The following OTOA variants were observed in gnomAD, a reference collection of about 807,000 sequenced individuals.
The protein encoded by OTOA is otoancorin, also known as cancer/testis antigen 108.
In OTOA, 70 loss-of-function variants were observed where a neutral mutation model predicts 110.8. The observed-to-expected ratio is 0.63, with a 90% CI of 0.52 to 0.77. OTOA has a LOEUF of 0.77. Among genes scored for constraint, OTOA ranks in the 30% least tolerant of loss-of-function variants. The pLI is 0.00. For missense variants in OTOA, 917 were observed against 1,075.8 expected (o/e 0.85, Z 2.06); for synonymous variants, 373 against 431.5 (o/e 0.86, Z 1.68).
In OTOA at chr16:21,710,103, G is replaced by A; in HGVS notation, c.1320G>A (p.Lys440=). ...ILSAKYLAHE[K]VLSFYNVSQM... ...CTGCCAAATACTTGGCCCATGAGAAGGTCAGCTGGAGTTTTAAACTCTTTT... is the reference window on the plus strand; with the variant it reads ...CTGCCAAATACTTGGCCCATGAGAAAGTCAGCTGGAGTTTTAAACTCTTTT... The change falls in exon 13 of 29, where the codon AAG becomes AAA. Residue 440 remains lysine (K), a splice_region_variant and synonymous_variant. Coordinates refer to ENST00000646100, the MANE Select transcript of OTOA (RefSeq NM_144672.4). 1 of 1,610,886 alleles carries A rather than the reference G, an allele frequency of 6.2e-7. No homozygotes were observed. Among genetic ancestry groups the A allele is most frequent in the South Asian group, 1.1e-5 (1 of 90,512 alleles).
intron 8 of OTOA, among the ~76,000 whole-genome samples, 154 bp from the exon 9 acceptor site, chr16:21,691,430 C>G (rs1347997383): frequency 1.3e-5 from 2 of 152,144 alleles, no homozygotes; most frequent in Admixed American, 6.5e-5. Flanking sequence ...ACATTCCAAC[C>G]AACAGTGTAA....
intron 6 of OTOA, among the ~76,000 whole-genome samples, chr16:21,683,639 G>C (rs1966937021): frequency 6.6e-6 from 1 of 151,882 alleles, no homozygotes; most frequent in African/African-American, 2.4e-5. Context: ...CCAGGAGTTT[G>C]AGGTTACGGT....
At chr16:21,738,799 C>A (rs1398007901) in intron 22 of OTOA, among the ~76,000 whole-genome samples, 1 of 152,312 alleles carries the variant, frequency 6.6e-6, no homozygotes, top group Non-Finnish European at 1.5e-5. Context: ...TGCCTATTCC[C>A]ATTTAGGGCT....
chr16:21,673,095 C>A (rs533578158), intron 1 of OTOA, among the ~76,000 whole-genome samples: 2 of 152,220 alleles, frequency 1.3e-5, no homozygotes, highest in Admixed American at 1.3e-4. Context: ...CTGCAGTGAG[C>A]CATGATCATG....
chr16:21,719,303 C>G, intron 16 of OTOA, 84 bp from the exon 17 acceptor site: 2 of 1,542,394 alleles, frequency 1.3e-6, no homozygotes, highest in South Asian at 1.1e-5. Flanking sequence ...TAGCTTGTAT[C>G]TGATCATATC....
At chr16:21,692,788 C>T (rs1019223010) in intron 9 of OTOA, among the ~76,000 whole-genome samples, 3 of 150,266 alleles carry the variant, frequency 2.0e-5, no homozygotes, top group Non-Finnish European at 4.4e-5. Flanking sequence ...ATTAGCCTGG[C>T]GTGGTGGTTC....
chr16:21,688,705 C>T (rs1402509463), intron 8 of OTOA, among the ~76,000 whole-genome samples: 2 of 152,060 alleles, frequency 1.3e-5, no homozygotes, highest in South Asian at 2.1e-4. Flanking sequence ...TGGGCAAGCC[C>T]TCTGGGATCT....
chr16:21,687,570 G>A lies in OTOA; in HGVS notation c.557G>A (p.Gly186Glu). Reference sequence around the variant, plus strand: ...GAGATCCTGGGCAAGGTGCTGAGGGGGTCCTCAGGGAGCTTTCTCCAGCCA... The same window carrying A: ...GAGATCCTGGGCAAGGTGCTGAGGGAGTCCTCAGGGAGCTTTCTCCAGCCA... Reference protein sequence around the residue: ...CVEILGKVLRGSSGSFLQPDI... With the variant: ...CVEILGKVLRESSGSFLQPDI... The change falls in exon 8 of 29, where the codon GGG becomes GAG. Residue 186 changes from glycine (G) to glutamate (E), a missense_variant. Transcript: ENST00000646100. 6.2e-7 allele frequency: 1 copy of A among 1,613,976 alleles called. No homozygotes were observed. The highest frequency in any genetic ancestry group is 8.5e-7 in the Non-Finnish European group (1 of 1,179,980).
chr16:21,702,509 C>T (rs1313757438), intron 11 of OTOA, among the ~76,000 whole-genome samples: 1 of 152,136 alleles, frequency 6.6e-6, no homozygotes, highest in African/African-American at 2.4e-5. Flanking sequence ...TAATCCTTCC[C>T]TGCTGCTTAC....
intron 1 of OTOA, among the ~76,000 whole-genome samples, chr16:21,669,431 T>C (rs773404389): frequency 1.3e-5 from 2 of 152,130 alleles, no homozygotes; most frequent in Non-Finnish European, 2.9e-5. Context: ...TAGCTGCTTC[T>C]GACAGCACCT....
At chr16:21,697,556 C>A (rs751163837) in intron 9 of OTOA, among the ~76,000 whole-genome samples, 1 of 152,064 alleles carries the variant, frequency 6.6e-6, no homozygotes. Context: ...TCGCTTGAAC[C>A]GGCAGGCGGA....
At chr16:21,732,266 T>C (rs1237849924) in intron 21 of OTOA, among the ~76,000 whole-genome samples, 1 of 152,222 alleles carries the variant, frequency 6.6e-6, no homozygotes, top group Non-Finnish European at 1.5e-5. Context: ...TGCCCGGCCC[T>C]GATGCACAAA....
At position 21,726,387 on chromosome 16, in the gene OTOA, A is replaced by G. The variant is rs921727220; in HGVS notation, c.1881-136A>G. On this transcript the variant is annotated intron_variant, in intron 18 of 28. Coordinates refer to ENST00000646100, the MANE Select transcript of OTOA (RefSeq NM_144672.4). ...GGGAAGCTTGCTACCTGCTGCAGGG[A>G]GCCAAAGCATCACTGGGAAGAACAA... The G allele has an allele frequency of 1.4e-5, 18 of 1,249,472 alleles. No individual in the cohort carries two copies. In the Admixed American group the frequency reaches 3.2e-4, roughly 22 times the overall value. The allele number at this position is 1,249,472 out of a possible 1,614,324, so 77.4% of individuals were successfully genotyped here.
intron 9 of OTOA, among the ~76,000 whole-genome samples, chr16:21,694,495 G>A (rs1457834524): frequency 1.3e-5 from 2 of 152,152 alleles, no homozygotes; most frequent in African/African-American, 2.4e-5. Context: ...CTCATGGGCT[G>A]TATAAAAACA....
intron 1 of OTOA, among the ~76,000 whole-genome samples, chr16:21,675,120 T>TTTTTCC (rs1966855141): frequency 6.8e-6 from 1 of 146,692 alleles, no homozygotes; most frequent in Non-Finnish European, 1.5e-5. Context: ...TTTCTTTTTC[T>TTTTTCC]TTCTCTCTTT....
At chr16:21,672,102 A>G (rs1461190586) in intron 1 of OTOA, among the ~76,000 whole-genome samples, 3 of 152,150 alleles carry the variant, frequency 2.0e-5, no homozygotes, top group Non-Finnish European at 4.4e-5. Flanking sequence ...TAGGTAACCT[A>G]GATAACCTAG....
At chr16:21,723,716 C>A (rs951099103) in intron 18 of OTOA, among the ~76,000 whole-genome samples, 1 of 152,124 alleles carries the variant, frequency 6.6e-6, no homozygotes, top group African/African-American at 2.4e-5. Flanking sequence ...ATGGCTCGAT[C>A]TAGGGGTGCA....
chr16:21,756,619 C>T (rs1323868088), intron 27 of OTOA, among the ~76,000 whole-genome samples: 1 of 151,988 alleles, frequency 6.6e-6, no homozygotes, highest in African/African-American at 2.4e-5. Flanking sequence ...ACAACATTGC[C>T]ACATAGGGAG....
rs1898834635 is a variant in OTOA, at chr16:21,723,791, C to T, written c.1880+813C>T. ...GGCTTCACTATCAGGCAAGTTGTTC[C>T]TCTGTGGGAACCCTGGAAGATCTAA... On this transcript the variant is annotated intron_variant, in intron 18 of 28. Transcript: ENST00000646100. Among the ~76,000 whole-genome samples the T allele has an allele frequency of 2.0e-5, 3 of 152,132 alleles. No individual in the cohort carries two copies. The South Asian group carries it at 6.2e-4, about 31-fold the overall frequency.
Sources: gnomAD v4.1 joint callset for allele counts (sites outside exome capture counted in the v4.1 genomes callset) on GRCh38, gnomAD v4.1.1 for gene constraint, MANE v1.5 for transcripts, NCBI Gene and HGNC (gene_info 2026-07-23, HGNC 2026-07-21) for gene names.